EBF3: variants seen among roughly 807,000 people sequenced by gnomAD.
EBF3 encodes the protein transcription factor COE3.
In EBF3, 18 loss-of-function variants were observed where a neutral mutation model predicts 77.1. That is an observed-to-expected ratio of 0.23 (90% CI 0.16 to 0.35). The LOEUF (loss-of-function observed/expected upper bound fraction) is 0.35. EBF3 is among the 10% of genes least tolerant of loss of function. EBF3 has a pLI of 1.00. For synonymous variants in EBF3, 350 were observed against 343.5 expected, an observed-to-expected ratio of 1.02 and a Z score of -0.21; for missense variants, 558 against 860.0, an observed-to-expected ratio of 0.65 and a Z score of 4.39.
chr10:129,963,396 C>A lies in EBF3; in HGVS notation c.262G>T (p.Ala88Ser). The A allele has an allele frequency of 6.3e-7, 1 of 1,589,852 alleles. No individual in the cohort carries two copies. ...QGQPVEIERT[A>S]FVDFVEKEKE... Reference sequence around the variant, plus strand: ...TCTTTCTCCACAAAGTCCACAAAAGCGGTCCTTTCAATCTCCACCGGCTGC... The same window carrying A: ...TCTTTCTCCACAAAGTCCACAAAAGAGGTCCTTTCAATCTCCACCGGCTGC... Residue 88 changes from alanine (A) to serine (S), a missense_variant, in exon 2 of 17, where the codon GCT becomes TCT. Ala to Ser is a moderately conservative substitution (Grantham distance 99). This residue lies in a region of EBF3 where 84 missense variants were observed against 142.3 expected (regional missense o/e 0.59). Transcript: ENST00000440978. The surrounding 1 kb of genome is among the most constrained non-coding windows in gnomAD (Gnocchi z 7.1).
chr10:129,930,036 CCT>C lies in EBF3; in HGVS notation c.554+27220_554+27221del, dbSNP rs1265564130. 2.6e-5 allele frequency among the ~76,000 whole-genome samples: 4 copies of C among 152,090 alleles called. No individual in the cohort carries two copies. In the East Asian group the frequency reaches 5.8e-4, roughly 22 times the overall value. ...AAAACAGAGGAAAGGTGAGTGTCTC[CCT>C]CTGTCTGCCGGAGCTGGGACTCTTC... is the stretch of plus-strand genomic sequence containing the variant. On this transcript the variant is annotated intron_variant, in intron 6 of 16. Transcript: ENST00000440978.
intron 10 of EBF3, among the ~76,000 whole-genome samples, chr10:129,849,185 C>G (rs1850682787): frequency 6.6e-6 from 1 of 152,240 alleles, no homozygotes; most frequent in Admixed American, 6.5e-5. Flanking sequence ...TCCGACTGCA[C>G]ACACTGTGTT....
In EBF3 at chr10:129,873,541, T is replaced by C. The variant is rs1852551534; in HGVS notation, c.692A>G (p.Asn231Ser). ...VDGHVLAVSD[N>S]MFVHNNSKHG... ...TTTGGAATTGTTGTGCACAAACATGTTGTCTGACACGGCCAGCACGTGGCC... is the reference window on the plus strand; with the variant it reads ...TTTGGAATTGTTGTGCACAAACATGCTGTCTGACACGGCCAGCACGTGGCC... Residue 231 changes from asparagine (N) to serine (S), a missense_variant, in exon 8 of 17, where the codon AAC becomes AGC. By Grantham distance (46) the Asn-to-Ser change is conservative. Around this residue, in one of 5 missense-constraint regions of EBF3, gnomAD observed 112 missense variants for 207.7 expected, o/e 0.54. Transcript: ENST00000440978. 6.3e-7 allele frequency: 1 copy of C among 1,590,952 alleles called. No individual in the cohort carries two copies. The highest frequency in any genetic ancestry group is 8.6e-7 in the Non-Finnish European group (1 of 1,165,842).
rs1029220352 is a variant in EBF3, at chr10:129,837,745, G to C, written c.*198C>G. 6.3e-6 allele frequency: 4 copies of C among 630,632 alleles called. No individual in the cohort carries two copies. The highest frequency in any genetic ancestry group is 1.1e-5 in the Non-Finnish European group (4 of 363,096). 39.1% of individuals were successfully genotyped at this position (630,632 alleles called of 1,614,324 possible). A position where few individuals can be genotyped will look rare whatever the true frequency, so the allele number is the denominator to read the frequency against. ...AAATGGAATTGTTCATGAAGAAGTAGGCTGTTTGCATGTTGATTCTTAATA... is the reference window on the plus strand; with the variant it reads ...AAATGGAATTGTTCATGAAGAAGTACGCTGTTTGCATGTTGATTCTTAATA... On this transcript the variant is annotated 3_prime_UTR_variant, in exon 17 of 17. Transcript: ENST00000440978.
rs560210491 is a variant in EBF3 at position 129,863,664 on chromosome 10, C to T, written c.1039+3477G>A. Among the ~76,000 whole-genome samples the T allele has an allele frequency of 1.3e-4, 20 of 152,320 alleles. No individual in the cohort carries two copies. Among genetic ancestry groups the T allele is most frequent in the Non-Finnish European group, 2.6e-4 (18 of 68,028 alleles). ...GACGCCCAGGGGACGGTGCCTACGT[C>T]GTGACATGCAAAGGGGCTGGCTCAG... On this transcript the variant is annotated intron_variant, in intron 10 of 16. Transcript: ENST00000440978. This position sits in a 1 kb window ranked among gnomAD's most constrained non-coding sequence, Gnocchi z 4.0.
In EBF3 at chr10:129,963,598, G is replaced by A; in HGVS notation, c.134+37C>T. ...GCGGAGGGGGCCGGGCCGGGCCGGGGCCGGGGCCAGGGCGCGCGGGGGCGG... is the reference window on the plus strand; with the variant it reads ...GCGGAGGGGGCCGGGCCGGGCCGGGACCGGGGCCAGGGCGCGCGGGGGCGG... On this transcript the variant is annotated intron_variant, in intron 1 of 16. Transcript: ENST00000440978. This position sits in a 1 kb window ranked among gnomAD's most constrained non-coding sequence, Gnocchi z 7.1. 2.4e-6 allele frequency: 3 copies of A among 1,264,094 alleles called. No individual in the cohort carries two copies. The highest frequency in any genetic ancestry group is 2.0e-6 in the Non-Finnish European group (2 of 994,314). The allele number at this position is 1,264,094 out of a possible 1,614,324, so 78.3% of individuals were successfully genotyped here.
At chr10:129,896,644 G>A (rs572007126) in intron 6 of EBF3, among the ~76,000 whole-genome samples, 1 of 152,350 alleles carries the variant, frequency 6.6e-6, no homozygotes, top group African/African-American at 2.4e-5. Flanking sequence ...GCACCGTGCA[G>A]CCCTTGAGCT....
chr10:129,847,416 CT>C (rs1449288192), intron 11 of EBF3, among the ~76,000 whole-genome samples: 1 of 152,192 alleles, frequency 6.6e-6, no homozygotes, highest in Non-Finnish European at 1.5e-5. Context: ...CCGTGAACTG[CT>C]CTGCATTTGA....
chr10:129,851,424 T>C (rs906818752), intron 10 of EBF3, among the ~76,000 whole-genome samples: 25 of 152,254 alleles, frequency 1.6e-4, no homozygotes, highest in African/African-American at 5.8e-4. Flanking sequence ...TTCCCAGGAA[T>C]TGTTTAGCAG....
chr10:129,853,871 T>G (rs1311586745), intron 10 of EBF3, among the ~76,000 whole-genome samples: 1 of 152,198 alleles, frequency 6.6e-6, no homozygotes, highest in Non-Finnish European at 1.5e-5. Context: ...TTGAGGTTAT[T>G]AAATGTCCCA....
intron 10 of EBF3, among the ~76,000 whole-genome samples, chr10:129,858,999 C>A (rs753307095): frequency 6.6e-6 from 1 of 152,212 alleles, no homozygotes; most frequent in Admixed American, 6.5e-5. Context: ...TTTAAAATTT[C>A]GCACGCTCCG....
chr10:129,865,406 C>T (rs979998585), intron 10 of EBF3, among the ~76,000 whole-genome samples: 12 of 152,210 alleles, frequency 7.9e-5, no homozygotes, highest in African/African-American at 2.9e-4. Context: ...GCCCTCTCTC[C>T]ATCTCAGAGT....
intron 6 of EBF3, among the ~76,000 whole-genome samples, chr10:129,912,527 A>T (rs998363216): frequency 6.6e-6 from 1 of 152,178 alleles, no homozygotes; most frequent in Non-Finnish European, 1.5e-5. Flanking sequence ...CAGGCTGTTT[A>T]AAAAAATACC....
chr10:129,857,114 T>C (rs1222939002), intron 10 of EBF3, among the ~76,000 whole-genome samples: 1 of 152,200 alleles, frequency 6.6e-6, no homozygotes, highest in Non-Finnish European at 1.5e-5. Context: ...TCAATCTCCA[T>C]GGAGGCATTT....
intron 6 of EBF3, among the ~76,000 whole-genome samples, chr10:129,913,912 C>A (rs1315167016): frequency 6.6e-6 from 1 of 152,262 alleles, no homozygotes; most frequent in African/African-American, 2.4e-5. Context: ...ATCCTTCATT[C>A]ACTCATCTCG....
chr10:129,837,127 T>C lies in EBF3; in HGVS notation c.*816A>G, dbSNP rs1301646068. ...GGTACAAGAAACATAGACCTCACAG[T>C]AGCCTAAGAATGCAATAGTATACAG... On this transcript the variant is annotated 3_prime_UTR_variant, in exon 17 of 17. Transcript: ENST00000440978. The C allele has an allele frequency of 1.3e-5, 2 of 152,636 alleles. No homozygotes were observed. Among genetic ancestry groups the C allele is most frequent in the African/African-American group, 4.8e-5 (2 of 41,454 alleles). The allele number at this position is 152,636 out of a possible 1,614,324, so 9.5% of individuals were successfully genotyped here. A position where few individuals can be genotyped will look rare whatever the true frequency, so the allele number is the denominator to read the frequency against.
At chr10:129,923,809 A>G (rs1589869615) in intron 6 of EBF3, among the ~76,000 whole-genome samples, 1 of 152,366 alleles carries the variant, frequency 6.6e-6, no homozygotes, top group African/African-American at 2.4e-5. Context: ...ATGAAAATTC[A>G]AAAGTTTTGT....
At chr10:129,865,534 G>A (rs888710721) in intron 10 of EBF3, among the ~76,000 whole-genome samples, 1 of 152,140 alleles carries the variant, frequency 6.6e-6, no homozygotes, top group South Asian at 2.1e-4. Context: ...ACAGAAGGTG[G>A]CCCCTAGTGT....
intron 11 of EBF3, among the ~76,000 whole-genome samples, chr10:129,843,577 C>A (rs1291814617): frequency 6.6e-6 from 1 of 152,190 alleles, no homozygotes; most frequent in Non-Finnish European, 1.5e-5. Flanking sequence ...GGCCCAGGCA[C>A]CACATTTGCC....
Sources: gnomAD v4.1 joint callset for allele counts (sites outside exome capture counted in the v4.1 genomes callset) on GRCh38, gnomAD v4.1.1 for gene constraint, gnomAD v4.1.1 regional missense constraint, Gnocchi (gnomAD v3.1) non-coding constraint, MANE v1.5 for transcripts, NCBI Gene and HGNC (gene_info 2026-07-23, HGNC 2026-07-21) for gene names.